SAMMSON: variants seen among roughly 807,000 people sequenced by gnomAD.
SAMMSON encodes long intergenic non-protein coding RNA 1212.
intron 7 of SAMMSON, chr3:70,302,642 C>T (rs926431581): frequency 6.6e-6 from 1 of 152,148 alleles, no homozygotes; most frequent in Non-Finnish European, 1.5e-5. Context: ...TTCCTGGTCT[C>T]TACAGATTGC....
intron 4 of SAMMSON, among the ~76,000 whole-genome samples, chr3:70,112,919 C>G (rs559050483): frequency 6.6e-6 from 1 of 152,196 alleles, no homozygotes; most frequent in Non-Finnish European, 1.5e-5. Context: ...ACAATAGATG[C>G]CAAAACTCAC....
intron 1 of SAMMSON, among the ~76,000 whole-genome samples, chr3:70,004,770 A>G (rs1403348340): frequency 6.7e-6 from 1 of 149,780 alleles, no homozygotes; most frequent in Non-Finnish European, 1.5e-5. Context: ...GTGAGTTCAG[A>G]TAATGAGACA....
intron 9 of SAMMSON, among the ~76,000 whole-genome samples, chr3:70,384,853 A>T (rs1382822336): frequency 6.6e-6 from 1 of 152,080 alleles, no homozygotes; most frequent in African/African-American, 2.4e-5. Context: ...TTCTAGGATG[A>T]TGGAAATGTT....
At chr3:70,336,324 T>C (rs527574534) in intron 7 of SAMMSON, among the ~76,000 whole-genome samples, 2 of 152,152 alleles carry the variant, frequency 1.3e-5, no homozygotes, top group South Asian at 4.1e-4. Flanking sequence ...ATAATTTTAA[T>C]ATAGTTTCTT....
intron 7 of SAMMSON, among the ~76,000 whole-genome samples, chr3:70,329,934 G>A (rs556453218): frequency 6.6e-6 from 1 of 151,956 alleles, no homozygotes; most frequent in Admixed American, 6.5e-5. Context: ...CACCCACCAA[G>A]TATTGGTATG....
At chr3:70,232,615 G>T (rs1162637770) in intron 4 of SAMMSON, among the ~76,000 whole-genome samples, 2 of 151,946 alleles carry the variant, frequency 1.3e-5, no homozygotes, top group African/African-American at 4.8e-5. Flanking sequence ...GGCCAGGATG[G>T]TCTCAATCTC....
intron 4 of SAMMSON, among the ~76,000 whole-genome samples, chr3:70,237,365 G>A (rs1366587052): frequency 1.3e-5 from 2 of 152,094 alleles, no homozygotes; most frequent in Non-Finnish European, 2.9e-5. Flanking sequence ...CCTCTCATAT[G>A]TGTGATCTTT....
intron 4 of SAMMSON, among the ~76,000 whole-genome samples, chr3:70,226,245 T>G (rs947279411): frequency 6.6e-6 from 1 of 152,106 alleles, no homozygotes; most frequent in Non-Finnish European, 1.5e-5. Context: ...AATACAAAGA[T>G]GAGTAAGACC....
At chr3:70,344,224 A>C (rs975422496) in intron 7 of SAMMSON, among the ~76,000 whole-genome samples, 1 of 152,100 alleles carries the variant, frequency 6.6e-6, no homozygotes, top group South Asian at 2.1e-4. Context: ...TCCCTATCCC[A>C]TACCTGTATA....
At chr3:70,270,036 A>T (rs946363477) in intron 6 of SAMMSON, among the ~76,000 whole-genome samples, 5 of 152,244 alleles carry the variant, frequency 3.3e-5, no homozygotes, top group African/African-American at 1.2e-4. Context: ...AAATAAATCC[A>T]TGAGTTTATT....
chr3:70,271,955 GT>G, intron 6 of SAMMSON: 1 of 152,182 alleles, frequency 6.6e-6, no homozygotes, highest in Non-Finnish European at 1.5e-5. Flanking sequence ...TAGAGACAAC[GT>G]TTCATCATGT....
intron 4 of SAMMSON, among the ~76,000 whole-genome samples, chr3:70,228,631 C>CTT (rs199862446): frequency 3.9e-5 from 5 of 126,974 alleles, no homozygotes; most frequent in East Asian, 4.5e-4. Flanking sequence ...AGTTTTCTTA[C>CTT]TTTTTTTTTT....
intron 1 of SAMMSON, among the ~76,000 whole-genome samples, chr3:70,000,078 G>A (rs181254014): frequency 6.6e-6 from 1 of 152,312 alleles, no homozygotes; most frequent in Admixed American, 6.5e-5. Context: ...CTGTCCTTGC[G>A]ATAAGGTAGA....
chr3:70,246,512 T>C (rs1385870023), intron 4 of SAMMSON, among the ~76,000 whole-genome samples: 2 of 152,054 alleles, frequency 1.3e-5, no homozygotes, highest in African/African-American at 4.8e-5. Flanking sequence ...ATCAGACTTA[T>C]CAAACAGAAA....
At chr3:70,334,842 C>A (rs1702649607) in intron 7 of SAMMSON, among the ~76,000 whole-genome samples, 1 of 152,056 alleles carries the variant, frequency 6.6e-6, no homozygotes, top group African/African-American at 2.4e-5. Flanking sequence ...TCTCAATTCC[C>A]ATGTTCCTCT....
At chr3:70,170,579 CTTTT>C (rs538385626) in intron 4 of SAMMSON, among the ~76,000 whole-genome samples, 27 of 105,496 alleles carry the variant, frequency 2.6e-4, no homozygotes, top group African/African-American at 9.0e-4. Flanking sequence ...CTAGATTTTC[CTTTT>C]TTTTTTTTTT....
intron 4 of SAMMSON, chr3:70,072,673 A>C (rs559721986): frequency 6.6e-6 from 1 of 151,730 alleles, no homozygotes; most frequent in East Asian, 1.9e-4. Context: ...AAAACAGAAA[A>C]AAATTTTTTA....
rs1491108341 is a variant in SAMMSON at position 70,250,409 on chromosome 3, T to TCACA, written n.674+740_674+741insACAC. On this transcript the variant is annotated intron_variant and non_coding_transcript_variant, in intron 6 of 9. Transcript: ENST00000642114. ...TATTCGGTATTTTTCTTTTAATGAA[T>TCACA]CTCACACACACACACACACACACAC... 2.1e-3 allele frequency among the ~76,000 whole-genome samples: 261 copies of TCACA among 126,344 alleles called. 1 individual carries two copies. Among genetic ancestry groups the TCACA allele is most frequent in the African/African-American group, 6.1e-3 (200 of 32,578 alleles). The allele number at this position is 126,344 out of a possible 152,430, so 82.9% of individuals were successfully genotyped here. A position where few individuals can be genotyped will look rare whatever the true frequency, so the allele number is the denominator to read the frequency against.
intron 2 of SAMMSON, among the ~76,000 whole-genome samples, chr3:70,412,474 A>G (rs1053868970): frequency 2.0e-5 from 3 of 152,222 alleles, no homozygotes; most frequent in African/African-American, 7.2e-5. Context: ...TCAAAAGAAC[A>G]AAGAGTTGTC....
Sources: allele counts gnomAD v4.1 joint callset (sites outside exome capture counted in the v4.1 genomes callset), GRCh38; gene constraint gnomAD v4.1.1; transcripts MANE v1.5; gene names NCBI Gene and HGNC (gene_info 2026-07-23, HGNC 2026-07-21).